PDIA5: variants seen among roughly 807,000 people sequenced by gnomAD.
The protein encoded by PDIA5 is protein disulfide-isomerase A5.
PDIA5 carries 58 observed loss-of-function variants against 77.6 expected under a neutral mutation model. That is an observed-to-expected ratio of 0.75 (90% CI 0.61 to 0.93). PDIA5 has a LOEUF of 0.93. Among genes scored for constraint, PDIA5 ranks in the 40% least tolerant of loss-of-function variants. The pLI is 0.00. For missense variants in PDIA5, 630 were observed against 647.7 expected (o/e 0.97, Z 0.30); for synonymous variants, 250 against 252.1 (o/e 0.99, Z 0.08).
chr3:123,118,377 C>G (rs1576451031), intron 8 of PDIA5, among the ~76,000 whole-genome samples: 1 of 152,338 alleles, frequency 6.6e-6, no homozygotes, highest in East Asian at 1.9e-4. Flanking sequence ...CCCGCATACA[C>G]TTAGAAATCT....
chr3:123,067,040 A>T lies in PDIA5; in HGVS notation c.-125A>T, dbSNP rs1933581554. On this transcript the variant is annotated 5_prime_UTR_variant, in exon 1 of 17. Transcript: ENST00000316218. ...ATGCTTTGGCAGACGTGGCACCGGG[A>T]ACTCGGAGGCGGGGAGCGGCTGGGA... 1.3e-6 allele frequency: 1 copy of T among 764,300 alleles called. No homozygotes were observed. The highest frequency in any genetic ancestry group is 4.3e-5 in the Admixed American group (1 of 23,108). 47.3% of individuals were successfully genotyped at this position (764,300 alleles called of 1,614,324 possible).
intron 3 of PDIA5, among the ~76,000 whole-genome samples, chr3:123,099,310 A>T (rs997976343): frequency 1.3e-5 from 2 of 152,234 alleles, no homozygotes; most frequent in Non-Finnish European, 2.9e-5. Flanking sequence ...TAGAGTGCCT[A>T]CTGTGTGCCA....
At position 123,067,027 on chromosome 3, in the gene PDIA5, A is replaced by C; in HGVS notation, c.-138A>C. 1.5e-6 allele frequency: 1 copy of C among 650,522 alleles called. No homozygotes were observed. The highest frequency in any genetic ancestry group is 2.2e-6 in the Non-Finnish European group (1 of 456,586). The allele number at this position is 650,522 out of a possible 1,614,324, so 40.3% of individuals were successfully genotyped here. A position where few individuals can be genotyped will look rare whatever the true frequency, so the allele number is the denominator to read the frequency against. On this transcript the variant is annotated 5_prime_UTR_variant, in exon 1 of 17. Coordinates refer to ENST00000316218, the MANE Select transcript of PDIA5 (RefSeq NM_006810.4). The stretch of plus-strand genomic sequence containing the variant: ...CCAGCTGCTGCGCATGCTTTGGCAG[A>C]CGTGGCACCGGGAACTCGGAGGCGG...
intron 1 of PDIA5, among the ~76,000 whole-genome samples, chr3:123,074,810 T>C (rs1053219891): frequency 7.9e-5 from 12 of 152,340 alleles, no homozygotes; most frequent in Admixed American, 2.0e-4. Flanking sequence ...GATAAAGATG[T>C]CATTTTTCTC....
At chr3:123,078,044 G>T (rs186102375) in intron 1 of PDIA5, among the ~76,000 whole-genome samples, 1 of 152,126 alleles carries the variant, frequency 6.6e-6, no homozygotes, top group Non-Finnish European at 1.5e-5. Flanking sequence ...TCCTGACTGC[G>T]TGATCCGCTC....
At chr3:123,079,382 G>C (rs1394267908) in intron 1 of PDIA5, among the ~76,000 whole-genome samples, 2 of 151,946 alleles carry the variant, frequency 1.3e-5, no homozygotes, top group Non-Finnish European at 2.9e-5. Flanking sequence ...GGGTTTCACT[G>C]TGTTGGCCAG....
chr3:123,068,505 C>G (rs1403259004), intron 1 of PDIA5, among the ~76,000 whole-genome samples: 2 of 152,186 alleles, frequency 1.3e-5, no homozygotes, highest in Non-Finnish European at 2.9e-5. Flanking sequence ...CATCAGTTCC[C>G]TGGAGCCAGT....
chr3:123,101,456 T>A (rs1463334004), intron 3 of PDIA5, among the ~76,000 whole-genome samples: 1 of 152,172 alleles, frequency 6.6e-6, no homozygotes, highest in East Asian at 1.9e-4. Flanking sequence ...CACAGGCATT[T>A]CTTATTGGAA....
rs769278135 is a variant in PDIA5, at chr3:123,102,789, C to T, written c.380C>T (p.Thr127Ile). The change falls in exon 5 of 17, where the codon ACA becomes ATA. Residue 127 changes from threonine to isoleucine, a missense_variant. By Grantham distance (89) the Thr-to-Ile change is moderately conservative (BLOSUM62 -1). Transcript: ENST00000316218. ...AFHTEYNRAV[T>I]FKSIVAFLKD... Reference sequence around the variant, plus strand: ...CATACTGAATATAACCGAGCTGTGACATTTAAGGTAAATTTACCTCCCTTG... The same window carrying T: ...CATACTGAATATAACCGAGCTGTGATATTTAAGGTAAATTTACCTCCCTTG... 2.5e-6 allele frequency: 4 copies of T among 1,607,158 alleles called. No homozygotes were observed. In the South Asian group the frequency reaches 3.3e-5, roughly 13 times the overall value.
intron 14 of PDIA5, among the ~76,000 whole-genome samples, chr3:123,154,566 A>G (rs1427277574): frequency 2.0e-5 from 3 of 152,066 alleles, no homozygotes; most frequent in Non-Finnish European, 4.4e-5. Flanking sequence ...CAGTCAGGAA[A>G]TGGAGAGATT....
chr3:123,110,489 A>C (rs1442174896), intron 6 of PDIA5, among the ~76,000 whole-genome samples: 1 of 152,164 alleles, frequency 6.6e-6, no homozygotes, highest in Non-Finnish European at 1.5e-5. Flanking sequence ...CAAGTCAGGC[A>C]CACATGAAAA....
intron 6 of PDIA5, 97 bp downstream of exon 6, chr3:123,106,938 A>G (rs1934749543): frequency 1.2e-6 from 1 of 807,182 alleles, no homozygotes. Flanking sequence ...AAATGGGACT[A>G]TTCCAGGATC....
At chr3:123,144,317 G>T (rs952020493) in intron 11 of PDIA5, among the ~76,000 whole-genome samples, 2 of 152,114 alleles carry the variant, frequency 1.3e-5, no homozygotes, top group African/African-American at 4.8e-5. Context: ...CCCTGAGAAG[G>T]TTGAGTCACG....
In PDIA5 at chr3:123,083,227, G is replaced by A. The variant is rs1313176548; in HGVS notation, c.43-5941G>A. Among the ~76,000 whole-genome samples the A allele has an allele frequency of 2.0e-5, 3 of 151,114 alleles. 1 individual carries two copies. The highest frequency in any genetic ancestry group is 7.3e-5 in the African/African-American group (3 of 41,092). ...GTGCTCGGGGTGGGGGAGGGGGGGTGCAGTGAAGCTCTGTGAGGGGGTTTG... is the reference window on the plus strand; with the variant it reads ...GTGCTCGGGGTGGGGGAGGGGGGGTACAGTGAAGCTCTGTGAGGGGGTTTG... On this transcript the variant is annotated intron_variant, in intron 1 of 16. Coordinates refer to ENST00000316218, the MANE Select transcript of PDIA5 (RefSeq NM_006810.4).
rs146750694 is a variant in PDIA5, at chr3:123,107,719, G to A, written c.480+878G>A. On this transcript the variant is annotated intron_variant, in intron 6 of 16. Transcript: ENST00000316218. ...GCAGTGCTTTTTGTAGGTAGAGGGA[G>A]AGGGTTCATTCCTATCTCAATAAAA... Among the ~76,000 whole-genome samples the A allele has an allele frequency of 3.4e-4, 52 of 152,322 alleles. No individual in the cohort carries two copies. The East Asian group carries it at 9.8e-3, about 29-fold the overall frequency.
intron 7 of PDIA5, among the ~76,000 whole-genome samples, chr3:123,112,856 G>A (rs985588469): frequency 3.3e-5 from 5 of 151,944 alleles, no homozygotes; most frequent in Non-Finnish European, 5.9e-5. Flanking sequence ...CACCGTGCCC[G>A]GCCCCCCAAG....
intron 4 of PDIA5, 101 bp from the exon 5 acceptor site, chr3:123,102,650 C>G: frequency 8.8e-7 from 1 of 1,141,558 alleles, no homozygotes; most frequent in Admixed American, 1.9e-5. Flanking sequence ...ATCCTGAACT[C>G]CGTTCAAAAG....
chr3:123,130,053 C>A (rs1337931136), intron 10 of PDIA5, among the ~76,000 whole-genome samples: 1 of 152,218 alleles, frequency 6.6e-6, no homozygotes, highest in East Asian at 1.9e-4. Context: ...CTCCCCTCCA[C>A]TGCCCAGTGG....
At chr3:123,099,059 A>G (rs368703169) in intron 3 of PDIA5, among the ~76,000 whole-genome samples, 1,121 of 98,052 alleles carry the variant, frequency 0.011, 18 homozygotes, top group African/African-American at 0.033. Context: ...ATGCTTGCGC[A>G]CACACACACA....
Sources: allele counts gnomAD v4.1 joint callset (sites outside exome capture counted in the v4.1 genomes callset), GRCh38; gene constraint gnomAD v4.1.1; transcripts MANE v1.5; gene names NCBI Gene and HGNC (gene_info 2026-07-23, HGNC 2026-07-21).